Variants in EFCAB8 observed in about 807,000 individuals in gnomAD.
EFCAB8 encodes EF-hand calcium-binding domain-containing protein 8.
Under a neutral mutation model 116.3 loss-of-function variants are expected in EFCAB8, and 100 were observed. The ratio of observed to expected loss-of-function variants is 0.86; its 90% CI spans 0.73 to 1.02. The LOEUF is 1.02. Ranked by LOEUF, EFCAB8 falls within the 50% of genes least tolerant of loss-of-function variation. The probability of loss-of-function intolerance (pLI) is 0.00; values close to 1 mark genes in which losing one functional copy is unlikely to be tolerated. For missense variants in EFCAB8, 1,320 were observed against 1,416.9 expected, an observed-to-expected ratio of 0.93 and a Z score of 1.10; for synonymous variants, 558 against 567.9, an observed-to-expected ratio of 0.98 and a Z score of 0.25.
intron 19 of EFCAB8, among the ~76,000 whole-genome samples, chr20:32,919,529 C>T (rs987307667): frequency 6.6e-5 from 10 of 152,122 alleles, no homozygotes; most frequent in African/African-American, 2.4e-4. Flanking sequence ...TGGAGTCTCA[C>T]TCTGTCACCC....
chr20:32,892,315 G>A lies in EFCAB8; in HGVS notation c.758+18G>A, dbSNP rs1051954773. 2 of 1,550,388 alleles carry A rather than the reference G, an allele frequency of 1.3e-6. No homozygotes were observed. Among genetic ancestry groups the A allele is most frequent in the African/African-American group, 2.7e-5 (2 of 73,156 alleles). On this transcript the variant is annotated intron_variant, in intron 8 of 26. Transcript: ENST00000400522. ...GACTACTGGTGAGTCTCCACTGGGT[G>A]TTCCTCACATGAACCAGGAGGCCCA...
intron 20 of EFCAB8, among the ~76,000 whole-genome samples, chr20:32,927,529 G>A (rs1361002079): frequency 1.3e-5 from 2 of 152,000 alleles, no homozygotes; most frequent in East Asian, 3.9e-4. Flanking sequence ...ATTTTTAGTG[G>A]AGACAGGGTT....
chr20:32,958,820 G>T (rs1989052106), intron 24 of EFCAB8, among the ~76,000 whole-genome samples: 1 of 152,232 alleles, frequency 6.6e-6, no homozygotes, highest in South Asian at 2.1e-4. Flanking sequence ...CTTGGATGGG[G>T]CCCTGTCCCC....
In EFCAB8 at chr20:32,892,193, G is replaced by T. The variant is rs1985952519; in HGVS notation, c.674-20G>T. On this transcript the variant is annotated intron_variant, in intron 7 of 26. Transcript: ENST00000400522. ...CAGGCATGGCTGTGGGCTCTATGTGGCCTTCTGTCTTTCCCCCAGATTTCT... is the reference window on the plus strand; with the variant it reads ...CAGGCATGGCTGTGGGCTCTATGTGTCCTTCTGTCTTTCCCCCAGATTTCT... 6.5e-7 allele frequency: 1 copy of T among 1,549,594 alleles called. No individual in the cohort carries two copies. Among genetic ancestry groups the T allele is most frequent in the Non-Finnish European group, 8.7e-7 (1 of 1,145,104 alleles).
intron 3 of EFCAB8, among the ~76,000 whole-genome samples, chr20:32,869,655 G>A (rs1228003903): frequency 2.0e-5 from 3 of 152,188 alleles, no homozygotes; most frequent in Non-Finnish European, 1.5e-5. Context: ...ACACTCCAGG[G>A]GAGGGGATCG....
intron 1 of EFCAB8, among the ~76,000 whole-genome samples, chr20:32,860,847 T>G (rs1984077917): frequency 6.6e-6 from 1 of 152,140 alleles, no homozygotes; most frequent in African/African-American, 2.4e-5. Context: ...CAGGTAATCC[T>G]CCCATCTCAC....
In EFCAB8 at chr20:32,939,819, C is replaced by T. The variant is rs1267729543; in HGVS notation, c.2791-3817C>T. 2.6e-4 allele frequency among the ~76,000 whole-genome samples: 39 copies of T among 147,984 alleles called. 2 individuals are homozygous for T. The highest frequency in any genetic ancestry group is 9.3e-4 in the African/African-American group (37 of 39,630). Reference sequence around the variant, plus strand: ...AAGCGATTCTCCTGCCTCAGCCTCCCGAGTAGCTGGGATTACAGGTGCCCG... The same window carrying T: ...AAGCGATTCTCCTGCCTCAGCCTCCTGAGTAGCTGGGATTACAGGTGCCCG... On this transcript the variant is annotated intron_variant, in intron 22 of 26. Transcript: ENST00000400522.
chr20:32,909,493 G>C (rs546947726), intron 14 of EFCAB8, among the ~76,000 whole-genome samples: 3 of 152,210 alleles, frequency 2.0e-5, no homozygotes, highest in Non-Finnish European at 2.9e-5. Context: ...CTGGGGCAAG[G>C]GGGAGGCAGG....
intron 6 of EFCAB8, among the ~76,000 whole-genome samples, chr20:32,889,040 CTT>C (rs1418480955): frequency 6.6e-6 from 1 of 152,052 alleles, no homozygotes; most frequent in East Asian, 1.9e-4. Flanking sequence ...TGCGGCAAGA[CTT>C]TGATAGAACT....
intron 20 of EFCAB8, among the ~76,000 whole-genome samples, chr20:32,925,040 C>T (rs924451519): frequency 2.9e-4 from 44 of 152,012 alleles, no homozygotes; most frequent in African/African-American, 1.0e-3. Flanking sequence ...CTTGGGTGGG[C>T]TGGGGTAAGG....
intron 15 of EFCAB8, 69 bp downstream of exon 15, chr20:32,910,000 C>T (rs989010423): frequency 1.3e-4 from 101 of 770,100 alleles, no homozygotes; most frequent in Non-Finnish European, 2.5e-5. Context: ...AACCAGACCT[C>T]CCTGTGTGCC....
rs1985580357 is a variant in EFCAB8, at chr20:32,885,542, A to G, written c.469A>G (p.Ile157Val). 5.8e-6 allele frequency: 9 copies of G among 1,551,472 alleles called. No individual in the cohort carries two copies. The highest frequency in any genetic ancestry group is 7.8e-6 in the Non-Finnish European group (9 of 1,146,996). Residue 157 changes from isoleucine to valine, a missense_variant, in exon 6 of 27, where the codon ATC becomes GTC. Coordinates refer to ENST00000400522, the MANE Select transcript of EFCAB8 (RefSeq NM_001143967.2). ...GCEVVKVVFL[I>V]HRFKKIGCFL... is the part of the protein sequence containing the mutation. ...TGAGGTGGTGAAGGTGGTGTTTTTAATCCACCGGTTCAAGAAGATCGGGTG... is the reference window on the plus strand; with the variant it reads ...TGAGGTGGTGAAGGTGGTGTTTTTAGTCCACCGGTTCAAGAAGATCGGGTG...
At chr20:32,886,993 G>T (rs1182662004) in intron 6 of EFCAB8, among the ~76,000 whole-genome samples, 5 of 152,150 alleles carry the variant, frequency 3.3e-5, no homozygotes, top group African/African-American at 4.8e-5. Flanking sequence ...CTACTGGTGT[G>T]TGGGGGTTAG....
At position 32,875,930 on chromosome 20, in the gene EFCAB8, G is replaced by A. The variant is rs1984947612; in HGVS notation, c.213G>A (p.Leu71=). The A allele has an allele frequency of 3.2e-6, 5 of 1,551,674 alleles. No homozygotes were observed. Among genetic ancestry groups the A allele is most frequent in the Non-Finnish European group, 3.5e-6 (4 of 1,146,886 alleles). The change falls in exon 4 of 27, where the codon CTG becomes CTA. Residue 71 remains leucine (L), a synonymous_variant. Coordinates refer to ENST00000400522, the MANE Select transcript of EFCAB8 (RefSeq NM_001143967.2). ...FEEDINSTGA[L]GMDAFIKAMK... ...CTCTCTGTTCTCTCTTTGAAGCCCT[G>A]GGCATGGACGCCTTCATCAAGGCCA...
chr20:32,952,808 G>T (rs1358289612), intron 23 of EFCAB8, among the ~76,000 whole-genome samples: 1 of 152,100 alleles, frequency 6.6e-6, no homozygotes, highest in East Asian at 1.9e-4. Flanking sequence ...AACATGTTGG[G>T]TACTTTAAAA....
intron 9 of EFCAB8, among the ~76,000 whole-genome samples, chr20:32,895,125 G>A (rs969275237): frequency 1.3e-5 from 2 of 152,106 alleles, no homozygotes; most frequent in Admixed American, 6.6e-5. Flanking sequence ...CTGCTCTGAC[G>A]GAGGACCCAT....
chr20:32,883,403 T>G (rs1985441665), intron 5 of EFCAB8, among the ~76,000 whole-genome samples: 1 of 152,176 alleles, frequency 6.6e-6, no homozygotes, highest in African/African-American at 2.4e-5. Flanking sequence ...GGCTATCCAG[T>G]GGAGAATTTG....
At chr20:32,924,695 G>A (rs540324743) in intron 20 of EFCAB8, among the ~76,000 whole-genome samples, 26 of 152,178 alleles carry the variant, frequency 1.7e-4, no homozygotes, top group African/African-American at 6.0e-4. Context: ...CTTTTTACGT[G>A]GCCTGGTGAT....
rs150052865 is a variant in EFCAB8 at position 32,886,581 on chromosome 20, C to G, written c.567+941C>G. On this transcript the variant is annotated intron_variant, in intron 6 of 26. Transcript: ENST00000400522. ...CTAGGGTCTGTGGGGTCCCATGGCT[C>G]TCCTTGGTGCACCAAGGGGGAGTCA... 4.2e-3 allele frequency among the ~76,000 whole-genome samples: 641 copies of G among 152,254 alleles called. 4 individuals carry two copies. Among genetic ancestry groups the G allele is most frequent in the Middle Eastern group, 0.037 (11 of 294 alleles).
Sources: allele counts gnomAD v4.1 joint callset (sites outside exome capture counted in the v4.1 genomes callset), GRCh38; gene constraint gnomAD v4.1.1; transcripts MANE v1.5; gene names NCBI Gene and HGNC (gene_info 2026-07-23, HGNC 2026-07-21).